B3GALT1: variants seen among roughly 807,000 people sequenced by gnomAD.
The protein encoded by B3GALT1 is UDP-Gal:betaGlcNAc beta 1,3-galactosyltransferase, polypeptide 1.
A neutral mutation model predicts 23.2 loss-of-function variants in B3GALT1; 10 were observed. The observed-to-expected ratio is 0.43, with a 90% CI of 0.27 to 0.73. B3GALT1 has a LOEUF of 0.73. Among genes scored for constraint, B3GALT1 ranks in the 30% least tolerant of loss-of-function variants. The pLI is 0.21. For missense variants in B3GALT1, 299 were observed against 405.4 expected (o/e 0.74, Z 2.25); for synonymous variants, 156 against 141.5 (o/e 1.10, Z -0.73).
At chr2:167,724,128 A>G (rs943777005) in intron 3 of B3GALT1, among the ~76,000 whole-genome samples, 9 of 152,222 alleles carry the variant, frequency 5.9e-5, no homozygotes, top group Non-Finnish European at 7.3e-5. Flanking sequence ...TCTTCAGTCA[A>G]TTCAACCATG....
intron 1 of B3GALT1, among the ~76,000 whole-genome samples, chr2:167,414,659 A>C (rs922999193): frequency 5.9e-5 from 9 of 152,220 alleles, no homozygotes; most frequent in Admixed American, 2.6e-4. Context: ...GACACATTAC[A>C]TTTGAAATGA....
intron 2 of B3GALT1, among the ~76,000 whole-genome samples, chr2:167,575,783 A>G (rs1397390092): frequency 1.3e-5 from 2 of 151,772 alleles, no homozygotes; most frequent in Non-Finnish European, 3.0e-5. Flanking sequence ...TCCACATACA[A>G]AGAACAAAAG....
intron 1 of B3GALT1, among the ~76,000 whole-genome samples, chr2:167,445,317 G>C (rs6720410): frequency 0.017 from 2,642 of 152,316 alleles, 81 homozygotes; most frequent in African/African-American, 0.061. Context: ...AGTGCGATGT[G>C]GTGCTGAGAG....
At chr2:167,374,866 ATTTT>A (rs574640959) in intron 1 of B3GALT1, among the ~76,000 whole-genome samples, 1 of 150,900 alleles carries the variant, frequency 6.6e-6, no homozygotes, top group African/African-American at 2.4e-5. Flanking sequence ...TCTTGTAAAT[ATTTT>A]TTTTTGTTGC....
intron 1 of B3GALT1, among the ~76,000 whole-genome samples, chr2:167,456,716 G>A (rs1447754043): frequency 1.3e-5 from 2 of 151,986 alleles, no homozygotes; most frequent in African/African-American, 2.4e-5. Flanking sequence ...TATTATAAAG[G>A]ATACAACGCA....
intron 2 of B3GALT1, among the ~76,000 whole-genome samples, chr2:167,568,443 G>C (rs560969844): frequency 2.0e-5 from 3 of 151,970 alleles, no homozygotes; most frequent in African/African-American, 7.2e-5. Flanking sequence ...TAATAGATAG[G>C]TAGTGGTCTC....
intron 3 of B3GALT1, among the ~76,000 whole-genome samples, chr2:167,754,001 G>A (rs921196723): frequency 6.6e-6 from 1 of 152,112 alleles, no homozygotes; most frequent in Non-Finnish European, 1.5e-5. Context: ...TCAAATGCCA[G>A]TTGCTTAGAG....
chr2:167,799,189 G>T (rs1264976768), intron 3 of B3GALT1, among the ~76,000 whole-genome samples: 2 of 152,150 alleles, frequency 1.3e-5, no homozygotes, highest in East Asian at 1.9e-4. Flanking sequence ...GACATTATCA[G>T]ATTTTTGTAT....
chr2:167,631,482 T>A (rs1685443792), intron 2 of B3GALT1: 2 of 151,864 alleles, frequency 1.3e-5, no homozygotes, highest in South Asian at 4.1e-4. Flanking sequence ...AGTATTTTTA[T>A]GGTTTTCTGG....
chr2:167,803,012 T>C (rs927971569), intron 3 of B3GALT1, among the ~76,000 whole-genome samples: 1 of 151,834 alleles, frequency 6.6e-6, no homozygotes, highest in Non-Finnish European at 1.5e-5. Context: ...GATGTGCAGA[T>C]GGATTGTGAG....
intron 3 of B3GALT1, among the ~76,000 whole-genome samples, chr2:167,684,767 A>T (rs1046312506): frequency 6.6e-6 from 1 of 152,252 alleles, no homozygotes; most frequent in African/African-American, 2.4e-5. Flanking sequence ...CTTGAATATT[A>T]AAGAAAGAAA....
intron 1 of B3GALT1, among the ~76,000 whole-genome samples, chr2:167,429,897 A>G (rs559855641): frequency 6.6e-6 from 1 of 152,378 alleles, no homozygotes; most frequent in East Asian, 1.9e-4. Context: ...TTTAAAATAG[A>G]TTTATTAAAC....
chr2:167,406,424 G>A (rs1523888), intron 1 of B3GALT1, among the ~76,000 whole-genome samples: 123,014 of 151,876 alleles, frequency 0.81, 51,660 homozygotes, highest in East Asian at 0.92. Context: ...TGGAGCCACA[G>A]AAAAGTGGAG....
chr2:167,468,919 A>G (rs1699384970), intron 1 of B3GALT1, among the ~76,000 whole-genome samples: 1 of 152,168 alleles, frequency 6.6e-6, no homozygotes, highest in Non-Finnish European at 1.5e-5. Context: ...ACTCCATAAA[A>G]TCAGGCATAA....
intron 1 of B3GALT1, among the ~76,000 whole-genome samples, chr2:167,293,907 G>A (rs1160111805): frequency 7.1e-6 from 1 of 141,402 alleles, no homozygotes; most frequent in African/African-American, 2.6e-5. Flanking sequence ...GGTCCACATT[G>A]CTGAAGAAAA....
At chr2:167,866,162 C>T (rs982345575) in intron 4 of B3GALT1, among the ~76,000 whole-genome samples, 1 of 152,202 alleles carries the variant, frequency 6.6e-6, no homozygotes, top group African/African-American at 2.4e-5. Flanking sequence ...CTTGCCATAG[C>T]ATCTTCCCCA....
intron 2 of B3GALT1, among the ~76,000 whole-genome samples, chr2:167,540,801 A>G (rs1683522182): frequency 6.6e-6 from 1 of 152,138 alleles, no homozygotes; most frequent in African/African-American, 2.4e-5. Flanking sequence ...TTCACCATCA[A>G]ATCTTGAAAA....
intron 3 of B3GALT1, among the ~76,000 whole-genome samples, chr2:167,787,415 G>GA (rs1359597170): frequency 1.3e-5 from 2 of 152,142 alleles, no homozygotes; most frequent in Non-Finnish European, 2.9e-5. Flanking sequence ...AAGTAGGTCA[G>GA]AAAAAAATGA....
chr2:167,815,712 C>G (rs917565096), intron 3 of B3GALT1, among the ~76,000 whole-genome samples: 2 of 151,900 alleles, frequency 1.3e-5, no homozygotes, highest in Non-Finnish European at 2.9e-5. Flanking sequence ...CCACATGAAG[C>G]GAAAAAGAAG....
Sources: allele counts gnomAD v4.1 joint callset (sites outside exome capture counted in the v4.1 genomes callset), GRCh38; gene constraint gnomAD v4.1.1; transcripts MANE v1.5; gene names NCBI Gene and HGNC (gene_info 2026-07-23, HGNC 2026-07-21).